The following MUTYH variants were observed in gnomAD, a reference collection of about 807,000 sequenced individuals.
MUTYH encodes the protein adenine DNA glycosylase.
In MUTYH, 64 loss-of-function variants were observed where a neutral mutation model predicts 72.9. The observed-to-expected ratio is 0.88, with a 90% CI of 0.72 to 1.08. The LOEUF is 1.08. Among genes scored for constraint, MUTYH ranks in the 50% least tolerant of loss-of-function variants. The probability of loss-of-function intolerance (pLI) is 0.00; values close to 1 mark genes in which losing one functional copy is unlikely to be tolerated. For synonymous variants in MUTYH, 234 were observed against 263.1 expected (o/e 0.89, Z 1.07); for missense variants, 633 against 671.0 (o/e 0.94, Z 0.63).
intron 3 of MUTYH, 29 bp downstream of exon 3, chr1:45,333,384 C>T (rs780686699): frequency 6.2e-7 from 1 of 1,614,038 alleles, no homozygotes; most frequent in Non-Finnish European, 8.5e-7. Context: ...CTGCCTCCCA[C>T]CCACTGTCCC....
chr1:45,339,780 G>A lies in MUTYH; in HGVS notation c.-7+119C>T, dbSNP rs77949009. 1,783 of 1,184,248 alleles carry A rather than the reference G, an allele frequency of 1.5e-3. 25 individuals carry two copies. In the East Asian group the frequency reaches 0.03, roughly 20 times the overall value. The allele number at this position is 1,184,248 out of a possible 1,614,324, so 73.4% of individuals were successfully genotyped here. A position where few individuals can be genotyped will look rare whatever the true frequency, so the allele number is the denominator to read the frequency against. ...CTGGGAATTTACCGATGCCCAGAAC[G>A]CCCTTCTTTCCCCCACACGACCCTC... is the stretch of plus-strand genomic sequence containing the variant. On this transcript the variant is annotated intron_variant, in intron 1 of 15. Coordinates refer to ENST00000456914, the MANE Select transcript of MUTYH (RefSeq NM_001048174.2).
upstream of MUTYH, chr1:45,340,097 C>T: frequency 6.4e-7 from 1 of 1,550,454 alleles, no homozygotes; most frequent in African/African-American, 1.4e-5. Context: ...AGGCTGCCTT[C>T]CCCGCGCCGG....
Position 45,331,164 on chromosome 1 carries a change from AGAC to A in MUTYH, c.1392+15_1392+17del, listed in dbSNP as rs758735667. On this transcript the variant is annotated intron_variant, in intron 14 of 15. Transcript: ENST00000456914. Reference sequence around the variant, plus strand: ...TAGGAAACACAAGGAAGTACAACAAAGACAACAAAGGTAGTGCCTTTTTCATGG... The same window carrying A: ...TAGGAAACACAAGGAAGTACAACAAAAACAAAGGTAGTGCCTTTTTCATGG... The A allele has an allele frequency of 5.0e-6, 8 of 1,614,044 alleles. No individual in the cohort carries two copies. The East Asian group carries it at 8.9e-5, about 18-fold the overall frequency.
chr1:45,340,210 C>A (rs766584437), upstream of MUTYH: 2 of 1,613,740 alleles, frequency 1.2e-6, no homozygotes, highest in East Asian at 2.2e-5. Flanking sequence ...GACCGCAAGT[C>A]CAGCGTACCC....
intron 5 of MUTYH, 39 bp downstream of exon 5, chr1:45,333,058 G>A: frequency 6.2e-7 from 1 of 1,613,684 alleles, no homozygotes; most frequent in Non-Finnish European, 8.5e-7. Flanking sequence ...CTCATCTGGG[G>A]TCTGACCCAT....
rs775089131 is a variant in MUTYH, at chr1:45,330,531, CTGTTG to C, written c.1414_1418del (p.Gln472AlafsTer30). 5 of 1,609,764 alleles carry C rather than the reference CTGTTG, an allele frequency of 3.1e-6. No homozygotes were observed. In the South Asian group the frequency reaches 5.6e-5, roughly 18 times the overall value. ...GGAGACTTACCATACAGGTCCCTGG[CTGTTG>C]GCCCTGATACACACGGAAAACCTAG... On this transcript the variant is annotated frameshift_variant, in exon 15 of 16. Transcript: ENST00000456914. LOFTEE classifies it low-confidence loss of function (END_TRUNC).
intron 15 of MUTYH, among the ~76,000 whole-genome samples, chr1:45,329,655 C>T (rs1644437616): frequency 1.3e-5 from 2 of 152,130 alleles, no homozygotes; most frequent in African/African-American, 2.4e-5. Flanking sequence ...GCAAATCTGA[C>T]TCCTCTCTCC....
chr1:45,336,326 A>G (rs1645882038), intron 1 of MUTYH, among the ~76,000 whole-genome samples: 1 of 152,254 alleles, frequency 6.6e-6, no homozygotes, highest in African/African-American at 2.4e-5. Flanking sequence ...CTACAAAAAC[A>G]GAAAAACAGA....
rs2149135382 is a variant in MUTYH, at chr1:45,332,100, G to A, written c.850-14C>T. 3 of 1,614,208 alleles carry A rather than the reference G, an allele frequency of 1.9e-6. No homozygotes were observed. Among genetic ancestry groups the A allele is most frequent in the South Asian group, 1.1e-5 (1 of 91,084 alleles). ...TTCCTGCTCCACCTGAGAGGCACAGGGTTGAGTGTCATAGGGCAGAGTCAC... is the reference window on the plus strand; with the variant it reads ...TTCCTGCTCCACCTGAGAGGCACAGAGTTGAGTGTCATAGGGCAGAGTCAC... On this transcript the variant is annotated splice_polypyrimidine_tract_variant and intron_variant, in intron 10 of 15. Coordinates refer to ENST00000456914, the MANE Select transcript of MUTYH (RefSeq NM_001048174.2).
At chr1:45,335,450 C>T (rs1051130988) in intron 1 of MUTYH, among the ~76,000 whole-genome samples, 2 of 151,980 alleles carry the variant, frequency 1.3e-5, no homozygotes, top group Non-Finnish European at 2.9e-5. Context: ...AGCTTGCCTC[C>T]TCCTTCAGAA....
intron 1 of MUTYH, chr1:45,339,645 T>A: frequency 2.7e-6 from 1 of 370,454 alleles, no homozygotes; most frequent in Admixed American, 3.8e-5. Context: ...ATTGGATTAT[T>A]ACAAAAGCTT....
chr1:45,330,317 A>T (rs1328315249), intron 15 of MUTYH, among the ~76,000 whole-genome samples, 199 bp downstream of exon 15: 2 of 150,794 alleles, frequency 1.3e-5, no homozygotes, highest in Non-Finnish European at 2.9e-5. Flanking sequence ...CACCTGTGAC[A>T]CTGGAGAGTC....
upstream of MUTYH, chr1:45,340,204 G>A (rs2149248374): frequency 6.2e-7 from 1 of 1,613,586 alleles, no homozygotes; most frequent in Non-Finnish European, 8.5e-7. Flanking sequence ...GAGACGGACC[G>A]CAAGTCCAGC....
intron 1 of MUTYH, 106 bp downstream of exon 1, chr1:45,339,793 C>T (rs1389355612): frequency 2.4e-6 from 3 of 1,266,750 alleles, no homozygotes; most frequent in Admixed American, 2.3e-5. Context: ...CTTCTTTCCC[C>T]CACACGACCC....
At chr1:45,340,003 T>C (rs1387368283), upstream of MUTYH, 3 of 1,538,274 alleles carry the variant, frequency 2.0e-6, no homozygotes, top group African/African-American at 1.4e-5. Context: ...GCGCCCGGCT[T>C]TCCGGCGCAC....
chr1:45,330,553 A>G lies in MUTYH; in HGVS notation c.1397T>C (p.Phe466Ser), dbSNP rs1394044603. The change falls in exon 15 of 16, where the codon TTC becomes TCC. Residue 466 changes from phenylalanine (F) to serine (S), a missense_variant. Physicochemically the swap from Phe to Ser is radical, Grantham distance 155. Transcript: ENST00000456914. Reference sequence around the variant, plus strand: ...TGGCTGTTGGCCCTGATACACACGGAAAACCTAGACAAGAAGACAGGGAGG... The same window carrying G: ...TGGCTGTTGGCCCTGATACACACGGGAAACCTAGACAAGAAGACAGGGAGG... Reference protein sequence around the residue: ...AAVSTAMKKVFRVYQGQQPGT... With the variant: ...AAVSTAMKKVSRVYQGQQPGT... The G allele has an allele frequency of 1.9e-6, 3 of 1,608,692 alleles. No homozygotes were observed. The highest frequency in any genetic ancestry group is 2.7e-5 in the African/African-American group (2 of 74,804).
At chr1:45,331,097 T>A (rs1644742971) in intron 14 of MUTYH, 85 bp downstream of exon 14, 1 of 1,586,438 alleles carries the variant, frequency 6.3e-7, no homozygotes. Context: ...AAAAAAATGC[T>A]TTTTTTCCTG....
rs781706856 is a variant in MUTYH, at chr1:45,331,569, G to A, written c.1103-13C>T. On this transcript the variant is annotated splice_polypyrimidine_tract_variant and intron_variant, in intron 12 of 15. Coordinates refer to ENST00000456914, the MANE Select transcript of MUTYH (RefSeq NM_001048174.2). ...CCTGCCAGCAGACCTGAGAGGGAGG[G>A]CAGCCAGGCAGGGGTCAGGCCTCAG... is the stretch of plus-strand genomic sequence containing the variant. The A allele has an allele frequency of 6.2e-7, 1 of 1,613,688 alleles. No individual in the cohort carries two copies. Among genetic ancestry groups the A allele is most frequent in the Non-Finnish European group, 8.5e-7 (1 of 1,180,022 alleles).
chr1:45,329,517 T>C, intron 15 of MUTYH, 80 bp from the exon 16 acceptor site: 1 of 1,557,674 alleles, frequency 6.4e-7, no homozygotes, highest in Admixed American at 1.7e-5. Flanking sequence ...TCTCTCCCTT[T>C]CCCCGACTCT....
Sources: gnomAD v4.1 joint callset for allele counts (sites outside exome capture counted in the v4.1 genomes callset) on GRCh38, gnomAD v4.1.1 for gene constraint, MANE v1.5 for transcripts, NCBI Gene and HGNC (gene_info 2026-07-23, HGNC 2026-07-21) for gene names.